Variants in MAP7 observed in about 807,000 individuals in gnomAD.
MAP7 encodes microtubule associated protein 7, also known as ensconsin.
A neutral mutation model predicts 94.8 loss-of-function variants in MAP7; 52 were observed. The observed-to-expected ratio is 0.55, with a 90% CI of 0.44 to 0.69. The LOEUF (loss-of-function observed/expected upper bound fraction) is 0.69, where lower values mean the gene tolerates loss of function less well. MAP7 is among the 30% of genes least tolerant of loss of function. The pLI, the probability that MAP7 is intolerant of heterozygous loss-of-function variation, is 0.00. For missense variants in MAP7, 940 were observed against 964.6 expected (o/e 0.97, Z 0.34); for synonymous variants, 350 against 357.0 (o/e 0.98, Z 0.22).
rs188738321 is a variant in MAP7 at position 136,461,337 on chromosome 6, A to G, written c.68-39538T>C. On this transcript the variant is annotated intron_variant, in intron 1 of 17. Transcript: ENST00000354570. Reference sequence around the variant, plus strand: ...TATTACTGAATACTTACATATTTAAATTGTGTATTTCACTTATGAGAAAAG... The same window carrying G: ...TATTACTGAATACTTACATATTTAAGTTGTGTATTTCACTTATGAGAAAAG... Among the ~76,000 whole-genome samples, 336 of 152,310 alleles carry G rather than the reference A, an allele frequency of 2.2e-3. 5 individuals are homozygous for G. Among genetic ancestry groups the G allele is most frequent in the Non-Finnish European group, 2.4e-3 (164 of 68,022 alleles).
At chr6:136,520,414 T>G (rs1826051176) in intron 1 of MAP7, among the ~76,000 whole-genome samples, 1 of 152,222 alleles carries the variant, frequency 6.6e-6, no homozygotes, top group African/African-American at 2.4e-5. Context: ...ATGAAGACCT[T>G]CAGAGTCTGT....
intron 1 of MAP7, among the ~76,000 whole-genome samples, chr6:136,473,659 A>G (rs1809844346): frequency 6.6e-6 from 1 of 152,216 alleles, no homozygotes; most frequent in Admixed American, 6.5e-5. Flanking sequence ...CAATTTTTCA[A>G]TATTATAAAG....
At chr6:136,374,690 A>G (rs1775559926) in intron 7 of MAP7, among the ~76,000 whole-genome samples, 1 of 152,222 alleles carries the variant, frequency 6.6e-6, no homozygotes, top group Non-Finnish European at 1.5e-5. Context: ...TTTAATGTTG[A>G]CATGATACTA....
At chr6:136,460,703 C>T (rs1217871417) in intron 1 of MAP7, among the ~76,000 whole-genome samples, 1 of 152,096 alleles carries the variant, frequency 6.6e-6, no homozygotes, top group Non-Finnish European at 1.5e-5. Flanking sequence ...CCTCACTTGC[C>T]ATCCTGGGAC....
intron 1 of MAP7, 33 bp from the exon 2 acceptor site, chr6:136,421,832 T>TAAA: frequency 6.6e-7 from 1 of 1,516,808 alleles, no homozygotes; most frequent in Non-Finnish European, 9.0e-7. Context: ...AAAAGACACA[T>TAAA]TTAGTTTCTT....
intron 2 of MAP7, among the ~76,000 whole-genome samples, chr6:136,421,043 AG>A (rs1791182329): frequency 6.6e-6 from 1 of 152,110 alleles, no homozygotes; most frequent in African/African-American, 2.4e-5. Flanking sequence ...TTCCTCCCAC[AG>A]GCCACGCAAT....
intron 17 of MAP7, among the ~76,000 whole-genome samples, chr6:136,345,537 T>A (rs1383320664): frequency 2.0e-5 from 3 of 152,218 alleles, no homozygotes; most frequent in Admixed American, 6.5e-5. Context: ...CAGCCCTGTC[T>A]TTCTACAAAG....
At chr6:136,487,023 A>G (rs192011345) in intron 1 of MAP7, among the ~76,000 whole-genome samples, 1 of 152,348 alleles carries the variant, frequency 6.6e-6, no homozygotes, top group Admixed American at 6.5e-5. Flanking sequence ...ATCACCAGTA[A>G]TCAAATAAAT....
intron 1 of MAP7, among the ~76,000 whole-genome samples, chr6:136,492,909 T>C (rs941163296): frequency 6.6e-6 from 1 of 152,100 alleles, no homozygotes; most frequent in Non-Finnish European, 1.5e-5. Context: ...AAATAGTGTA[T>C]ATATATTTGT....
chr6:136,354,372 T>C (rs891391262), intron 16 of MAP7, among the ~76,000 whole-genome samples: 1 of 143,540 alleles, frequency 7.0e-6, no homozygotes, highest in African/African-American at 2.5e-5. Context: ...AGTAGATATA[T>C]ATAAAAATAT....
chr6:136,393,178 C>G (rs150224510), intron 3 of MAP7, among the ~76,000 whole-genome samples: 1 of 152,252 alleles, frequency 6.6e-6, no homozygotes, highest in East Asian at 1.9e-4. Flanking sequence ...CCCCACTGCT[C>G]TCCAAAATAG....
chr6:136,377,658 G>A (rs1776575945), intron 7 of MAP7, 97 bp downstream of exon 7: 4 of 867,750 alleles, frequency 4.6e-6, no homozygotes, highest in South Asian at 1.4e-5. Flanking sequence ...GGGGAAGAGA[G>A]AAGCGCATTT....
chr6:136,362,787 C>T, intron 10 of MAP7, 85 bp from the exon 11 acceptor site: 1 of 1,493,786 alleles, frequency 6.7e-7, no homozygotes, highest in Non-Finnish European at 8.9e-7. Context: ...ACATCCAAGG[C>T]CTAGAATTTA....
At chr6:136,435,725 G>A (rs1796208605) in intron 1 of MAP7, among the ~76,000 whole-genome samples, 1 of 152,176 alleles carries the variant, frequency 6.6e-6, no homozygotes, top group East Asian at 1.9e-4. Context: ...CCAAGTAGAG[G>A]AAAGAAGGAG....
chr6:136,389,324 C>A, intron 4 of MAP7, 30 bp downstream of exon 4: 1 of 1,507,362 alleles, frequency 6.6e-7, no homozygotes, highest in Admixed American at 2.4e-5. Context: ...CTAGAGGAGC[C>A]ACTCATATTC....
chr6:136,345,775 A>G lies in MAP7; in HGVS notation c.2239+81T>C, dbSNP rs1787508947. ...AAGAACAAAGTGTTACCACAATCAT[A>G]CTGTAGAAGGCAGCAGTTCGTGTCC... On this transcript the variant is annotated intron_variant, in intron 17 of 17. Coordinates refer to ENST00000354570, the MANE Select transcript of MAP7 (RefSeq NM_003980.6). The G allele has an allele frequency of 6.4e-6, 7 of 1,089,342 alleles. No homozygotes were observed. In the East Asian group the frequency reaches 1.6e-4, roughly 26 times the overall value. The allele number at this position is 1,089,342 out of a possible 1,614,324, so 67.5% of individuals were successfully genotyped here.
chr6:136,457,901 C>T (rs1803870616), intron 1 of MAP7, among the ~76,000 whole-genome samples: 1 of 152,146 alleles, frequency 6.6e-6, no homozygotes, highest in African/African-American at 2.4e-5. Flanking sequence ...AGGATGCCCA[C>T]TCTCACCACT....
At chr6:136,380,527 G>T (rs2128631084) in intron 6 of MAP7, among the ~76,000 whole-genome samples, 1 of 152,168 alleles carries the variant, frequency 6.6e-6, no homozygotes, top group East Asian at 1.9e-4. Context: ...GAAGATTCTG[G>T]GGAAAAAATG....
chr6:136,472,711 C>G (rs113715057), intron 1 of MAP7, among the ~76,000 whole-genome samples: 2,200 of 152,148 alleles, frequency 0.014, 60 homozygotes, highest in African/African-American at 0.05. Flanking sequence ...CTCTTATAAC[C>G]TAATTTGCAT....
Sources: gnomAD v4.1 joint callset for allele counts (sites outside exome capture counted in the v4.1 genomes callset) on GRCh38, gnomAD v4.1.1 for gene constraint, MANE v1.5 for transcripts, NCBI Gene and HGNC (gene_info 2026-07-23, HGNC 2026-07-21) for gene names.